RUFY4: variants seen among roughly 807,000 people sequenced by gnomAD.
The protein encoded by RUFY4 is RUN and FYVE domain-containing protein 4.
A neutral mutation model predicts 69.0 loss-of-function variants in RUFY4; 73 were observed. The ratio of observed to expected loss-of-function variants is 1.06; its 90% CI spans 0.88 to 1.29. The LOEUF is 1.29. Ranked by LOEUF, RUFY4 falls within the 50% of genes most tolerant of loss-of-function variation. The probability of loss-of-function intolerance (pLI) is 0.00; values close to 1 mark genes in which losing one functional copy is unlikely to be tolerated. For missense variants in RUFY4, 770 were observed against 705.6 expected (o/e 1.09, Z -1.03); for synonymous variants, 287 against 271.8 (o/e 1.06, Z -0.55).
At chr2:218,072,751 C>CCCCAT in intron 3 of RUFY4, 28 bp from the exon 6 acceptor site, 1 of 1,467,950 alleles carries the variant, frequency 6.8e-7, no homozygotes, top group Non-Finnish European at 9.0e-7. Context: ...TAATACTGCT[C>CCCCAT]CCCATTCTGC....
At chr2:218,058,761 G>A (rs1391025350) in intron 3 of RUFY4, 1 of 152,494 alleles carries the variant, frequency 6.6e-6, no homozygotes. Context: ...GACACTCAAA[G>A]TGGGTGCTGC....
intron 2 of RUFY4, among the ~76,000 whole-genome samples, chr2:218,052,087 T>TAC (rs1269179193): frequency 6.6e-6 from 1 of 152,212 alleles, no homozygotes. Context: ...ACATGTGACT[T>TAC]ACAGGTCATA....
chr2:218,053,348 T>G (rs1688987398), intron 2 of RUFY4, among the ~76,000 whole-genome samples: 1 of 40,860 alleles, frequency 2.4e-5, no homozygotes, highest in Admixed American at 2.8e-4. Context: ...TATTAAACCT[T>G]TTTTTTTTTT....
chr2:218,073,265 C>T (rs1225070298), exon 5 of RUFY4: 3 of 1,552,254 alleles, frequency 1.9e-6, no homozygotes, highest in Non-Finnish European at 2.6e-6. Flanking sequence ...ACCCCGGAGC[C>T]CTCTGCTCTG....
chr2:218,076,345 G>A, intron 7 of RUFY4, 82 bp from the exon 10 acceptor site: 2 of 1,498,392 alleles, frequency 1.3e-6, no homozygotes, highest in Non-Finnish European at 1.8e-6. Context: ...GGGTCTCTCG[G>A]GAATGTTGTT....
At chr2:218,089,697 AG>A (rs1689984338) in intron 10 of RUFY4, 2 of 703,430 alleles carry the variant, frequency 2.8e-6, no homozygotes, top group Non-Finnish European at 5.2e-6. Flanking sequence ...TGCTAGGACC[AG>A]CCTTGGGAGA....
chr2:218,050,846 A>G (rs1226873785), intron 2 of RUFY4, among the ~76,000 whole-genome samples: 1 of 152,236 alleles, frequency 6.6e-6, no homozygotes, highest in Non-Finnish European at 1.5e-5. Flanking sequence ...CAGGAAAAAG[A>G]CTTAAAATAA....
intron 2 of RUFY4, among the ~76,000 whole-genome samples, chr2:218,052,753 A>G (rs1356295723): frequency 4.0e-5 from 6 of 151,544 alleles, no homozygotes; most frequent in African/African-American, 1.2e-4. Context: ...TTTAAAAAAA[A>G]AAGATAACGT....
chr2:218,076,111 C>T (rs1219039657), intron 7 of RUFY4, among the ~76,000 whole-genome samples: 1 of 152,184 alleles, frequency 6.6e-6, no homozygotes, highest in African/African-American at 2.4e-5. Context: ...GCAGAGCCCA[C>T]CTAGTTGCTC....
intron 2 of RUFY4, among the ~76,000 whole-genome samples, chr2:218,045,232 C>G (rs949189125): frequency 2.0e-5 from 3 of 152,114 alleles, no homozygotes; most frequent in African/African-American, 4.8e-5. Flanking sequence ...TGATATTTGA[C>G]TGCATGAGAA....
chr2:218,057,095 G>A (rs77464216), intron 2 of RUFY4, among the ~76,000 whole-genome samples: 11,775 of 148,986 alleles, frequency 0.079, 1,440 homozygotes, highest in African/African-American at 0.27. Flanking sequence ...AAAAAAAAAA[G>A]AGAGAGAGAA....
chr2:218,073,203 C>G (rs1201597127), intron 4 of RUFY4, 40 bp from the exon 7 acceptor site: 4 of 1,539,654 alleles, frequency 2.6e-6, no homozygotes, highest in Admixed American at 3.9e-5. Flanking sequence ...GAAACAGCAC[C>G]AGGGTCAAAG....
exon 1 of RUFY4, chr2:218,070,603 C>T (rs937849376): frequency 3.9e-6 from 6 of 1,537,252 alleles, no homozygotes; most frequent in African/African-American, 1.4e-5. Context: ...TTTCCAAGTA[C>T]CCATGGCAGA....
In RUFY4 at chr2:218,037,249, G is replaced by T. The variant is rs376634948; in HGVS notation, c.-1158+1855G>T. Among the ~76,000 whole-genome samples the T allele has an allele frequency of 1.4e-3, 213 of 152,216 alleles. 1 individual carries two copies. The highest frequency in any genetic ancestry group is 4.9e-3 in the African/African-American group (204 of 41,542). On this transcript the variant is annotated intron_variant and NMD_transcript_variant, in intron 2 of 13. Transcript: ENST00000457754. Reference sequence around the variant, plus strand: ...GCAGAAGAATCCCTTGAACCCAGGAGGCGGAGGTTGCAGTGAGTGGAGATA... The same window carrying T: ...GCAGAAGAATCCCTTGAACCCAGGATGCGGAGGTTGCAGTGAGTGGAGATA...
intron 3 of RUFY4, chr2:218,061,151 A>G: frequency 2.2e-6 from 1 of 447,254 alleles, no homozygotes; most frequent in Non-Finnish European, 4.5e-6. Context: ...GGCCAAGGCC[A>G]GGGTCAGCAG....
Position 218,073,973 on chromosome 2 carries a change from G to A in RUFY4, c.600+88G>A, listed in dbSNP as rs75451264. 10,516 of 1,286,424 alleles carry A rather than the reference G, an allele frequency of 8.2e-3. 582 individuals are homozygous for A. The African/African-American group carries it at 0.13, about 16-fold the overall frequency. The allele number at this position is 1,286,424 out of a possible 1,614,324, so 79.7% of individuals were successfully genotyped here. Reference sequence around the variant, plus strand: ...GAGTAGAAACTGAGCTTCCCCCTCCGAGTGTACAGAGAGCCCTGACCCTAC... The same window carrying A: ...GAGTAGAAACTGAGCTTCCCCCTCCAAGTGTACAGAGAGCCCTGACCCTAC... On this transcript the variant is annotated intron_variant, in intron 6 of 10. Coordinates refer to ENST00000344321, the Ensembl canonical transcript of RUFY4.
At chr2:218,036,361 G>C (rs1016487669) in intron 2 of RUFY4, among the ~76,000 whole-genome samples, 7 of 152,142 alleles carry the variant, frequency 4.6e-5, no homozygotes, top group African/African-American at 1.4e-4. Context: ...TGGGCAGTGA[G>C]ACTCAGGGTT....
chr2:218,068,143 G>GGCAGGGGGTTAGAGGAC (rs1689389490), upstream of RUFY4, among the ~76,000 whole-genome samples: 5 of 102,040 alleles, frequency 4.9e-5, no homozygotes, highest in South Asian at 3.8e-4. Flanking sequence ...GACTGGAGGA[G>GGCAGGGGGTTAGAGGAC]GGCAGGGGAC....
chr2:218,069,300 C>G (rs1312414948), upstream of RUFY4: 2 of 152,370 alleles, frequency 1.3e-5, no homozygotes, highest in Non-Finnish European at 2.9e-5. Context: ...GGGACGGACT[C>G]TGGCAGCAGA....
Sources: gnomAD v4.1 joint callset for allele counts (sites outside exome capture counted in the v4.1 genomes callset) on GRCh38, gnomAD v4.1.1 for gene constraint, MANE v1.5 for transcripts, NCBI Gene and HGNC (gene_info 2026-07-23, HGNC 2026-07-21) for gene names.